Variants in NRF1 observed in about 807,000 individuals in gnomAD.
NRF1 encodes the protein nuclear respiratory factor 1.
In NRF1, 5 loss-of-function variants were observed where a neutral mutation model predicts 58.5. The observed-to-expected ratio is 0.09, with a 90% CI of 0.04 to 0.18. NRF1 has a LOEUF of 0.18. Ranked by LOEUF, NRF1 falls within the 10% of genes least tolerant of loss-of-function variation. NRF1 has a pLI of 1.00. For missense variants in NRF1, 288 were observed against 657.7 expected (o/e 0.44, Z 6.15); for synonymous variants, 224 against 246.7 (o/e 0.91, Z 0.86).
intron 1 of NRF1, among the ~76,000 whole-genome samples, chr7:129,644,274 T>C (rs1387021681): frequency 6.6e-6 from 1 of 152,200 alleles, no homozygotes; most frequent in African/African-American, 2.4e-5. Flanking sequence ...GGAAATTAGG[T>C]AGGTAGGGTC....
intron 10 of NRF1, among the ~76,000 whole-genome samples, chr7:129,750,274 C>T (rs977217916): frequency 6.6e-6 from 1 of 152,148 alleles, no homozygotes; most frequent in African/African-American, 2.4e-5. Context: ...GCAGGCTGAG[C>T]AGATGCAGGG....
At chr7:129,709,915 A>G (rs974084977) in intron 6 of NRF1, among the ~76,000 whole-genome samples, 3 of 151,778 alleles carry the variant, frequency 2.0e-5, no homozygotes, top group Non-Finnish European at 2.9e-5. Context: ...TTTTCAGTAG[A>G]GATGGGGTTT....
chr7:129,647,321 C>T (rs1419485855), intron 1 of NRF1, among the ~76,000 whole-genome samples: 1 of 151,962 alleles, frequency 6.6e-6, no homozygotes, highest in Non-Finnish European at 1.5e-5. Flanking sequence ...CCATGCCTGG[C>T]GCTTACAGTA....
intron 10 of NRF1, among the ~76,000 whole-genome samples, chr7:129,743,843 T>G (rs1584690623): frequency 6.6e-6 from 1 of 152,176 alleles, no homozygotes; most frequent in East Asian, 1.9e-4. Flanking sequence ...GGAATACAAA[T>G]TAGTTTTCAT....
rs541338553 is a variant in NRF1, at chr7:129,742,193, AT to A, written c.1349-12823del. The stretch of plus-strand genomic sequence containing the variant: ...CAGCACAATTGCCTGTGACATTATA[AT>A]TACACCAAATCTTCATTATTAGAAA... On this transcript the variant is annotated intron_variant, in intron 10 of 10. Coordinates refer to ENST00000393232, the MANE Select transcript of NRF1 (RefSeq NM_005011.5). 6.6e-5 allele frequency among the ~76,000 whole-genome samples: 10 copies of A among 152,062 alleles called. No individual in the cohort carries two copies. In the South Asian group the frequency reaches 1.5e-3, roughly 22 times the overall value.
chr7:129,695,111 TTTTTATA>T (rs1802657008), intron 5 of NRF1, among the ~76,000 whole-genome samples: 1 of 152,196 alleles, frequency 6.6e-6, no homozygotes, highest in Admixed American at 6.5e-5. Context: ...AAAGTAGCAT[TTTTTATA>T]TACTGTAATT....
chr7:129,719,534 ACACACACAC>A (rs1347860918), intron 9 of NRF1, among the ~76,000 whole-genome samples: 8 of 109,274 alleles, frequency 7.3e-5, no homozygotes, highest in Admixed American at 9.9e-5. Flanking sequence ...ACACACACAC[ACACACACAC>A]AACACATCTT....
At chr7:129,625,114 C>A (rs528899944) in intron 1 of NRF1, among the ~76,000 whole-genome samples, 15 of 152,202 alleles carry the variant, frequency 9.9e-5, no homozygotes, top group Middle Eastern at 3.2e-3. Flanking sequence ...TTCTTTGTCT[C>A]TTCCAGCCTT....
At chr7:129,742,326 G>A (rs922266409) in intron 10 of NRF1, among the ~76,000 whole-genome samples, 2 of 148,746 alleles carry the variant, frequency 1.3e-5, no homozygotes, top group African/African-American at 4.9e-5. Flanking sequence ...CCTAGCAATT[G>A]CATCTGAGAA....
intron 8 of NRF1, among the ~76,000 whole-genome samples, chr7:129,712,433 G>A (rs1256620008): frequency 1.3e-5 from 2 of 152,220 alleles, no homozygotes; most frequent in East Asian, 3.8e-4. Flanking sequence ...TGAGAGCCAT[G>A]GAGCATTTCC....
At chr7:129,632,793 T>C (rs1801079833) in intron 1 of NRF1, among the ~76,000 whole-genome samples, 1 of 152,204 alleles carries the variant, frequency 6.6e-6, no homozygotes, top group African/African-American at 2.4e-5. Flanking sequence ...TAATGGAGTG[T>C]GAAAGTAATA....
chr7:129,705,442 C>T (rs567696231), intron 5 of NRF1, among the ~76,000 whole-genome samples: 38 of 152,260 alleles, frequency 2.5e-4, no homozygotes, highest in African/African-American at 4.8e-4. Flanking sequence ...AGGTATGTGC[C>T]ACCATGCCTG....
rs1804225672 is a variant in NRF1 at position 129,755,277 on chromosome 7, TGGAAGGAAA to T, written c.*98_*106del. The T allele has an allele frequency of 1.7e-6, 2 of 1,145,898 alleles. No homozygotes were observed. Among genetic ancestry groups the T allele is most frequent in the Non-Finnish European group, 1.1e-6 (1 of 870,802 alleles). 71.0% of individuals were successfully genotyped at this position (1,145,898 alleles called of 1,614,324 possible). A position where few individuals can be genotyped will look rare whatever the true frequency, so the allele number is the denominator to read the frequency against. Reference sequence around the variant, plus strand: ...CAAATGGAATTAAGTCTCTCGACTTTGGAAGGAAAGTTTTGTTAACCTTTTTTTTTTTAA... The same window carrying T: ...CAAATGGAATTAAGTCTCTCGACTTTGTTTTGTTAACCTTTTTTTTTTTAA... On this transcript the variant is annotated 3_prime_UTR_variant, in exon 11 of 11. Coordinates refer to ENST00000393232, the MANE Select transcript of NRF1 (RefSeq NM_005011.5). This position sits in a 1 kb window ranked among gnomAD's most constrained non-coding sequence, Gnocchi z 5.8.
intron 8 of NRF1, among the ~76,000 whole-genome samples, chr7:129,716,013 A>AAC (rs1195219423): frequency 1.4e-5 from 2 of 143,504 alleles, no homozygotes; most frequent in Admixed American, 6.9e-5. Flanking sequence ...CTCCAACAAC[A>AAC]AAAAAAAAAA....
intron 4 of NRF1, 74 bp from the exon 5 acceptor site, chr7:129,690,332 C>T: frequency 6.6e-7 from 1 of 1,520,834 alleles, no homozygotes; most frequent in Non-Finnish European, 9.0e-7. Context: ...GCCCCACCCA[C>T]TCTCTTGTTG....
chr7:129,643,783 A>G (rs1801345847), intron 1 of NRF1, among the ~76,000 whole-genome samples: 1 of 152,214 alleles, frequency 6.6e-6, no homozygotes, highest in African/African-American at 2.4e-5. Context: ...GATGTTATAC[A>G]GTGTGGATAG....
At chr7:129,750,244 T>C (rs1294558653) in intron 10 of NRF1, among the ~76,000 whole-genome samples, 1 of 152,190 alleles carries the variant, frequency 6.6e-6, no homozygotes, top group African/African-American at 2.4e-5. Flanking sequence ...CATGCGCCTC[T>C]AGATTAGGGC....
chr7:129,617,954 A>T (rs1800690503), intron 1 of NRF1, among the ~76,000 whole-genome samples: 1 of 152,170 alleles, frequency 6.6e-6, no homozygotes, highest in South Asian at 2.1e-4. Flanking sequence ...CCATATTGGG[A>T]AGAGTTTGTA....
At position 129,657,447 on chromosome 7, in the gene NRF1, C is replaced by T. The variant is rs1306443374; in HGVS notation, c.96C>T (p.Tyr32=). 8 of 1,614,082 alleles carry T rather than the reference C, an allele frequency of 5.0e-6. No individual in the cohort carries two copies. The East Asian group carries it at 1.6e-4, about 31-fold the overall frequency. ...TGCAGCAGGTCCATGTGGCTACTTA[C>T]ACCGAGCATAGTATGCTGAGTGCTG... is the stretch of plus-strand genomic sequence containing the variant. The part of the protein sequence containing the change: ...QQVQQVHVAT[Y]TEHSMLSADE... The change falls in exon 2 of 11, where the codon TAC becomes TAT. Residue 32 remains tyrosine, a synonymous_variant. Coordinates refer to ENST00000393232, the MANE Select transcript of NRF1 (RefSeq NM_005011.5).
Sources: allele counts gnomAD v4.1 joint callset (sites outside exome capture counted in the v4.1 genomes callset), GRCh38; gene constraint gnomAD v4.1.1; non-coding constraint Gnocchi (gnomAD v3.1); transcripts MANE v1.5; gene names NCBI Gene and HGNC (gene_info 2026-07-23, HGNC 2026-07-21).